BCAS1: variants seen among roughly 807,000 people sequenced by gnomAD.
BCAS1 encodes brain enriched myelin associated protein 1.
Under a neutral mutation model 65.4 loss-of-function variants are expected in BCAS1, and 46 were observed. The ratio of observed to expected loss-of-function variants is 0.70; its 90% CI spans 0.55 to 0.90. BCAS1 has a LOEUF of 0.90. Ranked by LOEUF, BCAS1 falls within the 40% of genes least tolerant of loss-of-function variation. The pLI is 0.00. For synonymous variants in BCAS1, 298 were observed against 293.5 expected (o/e 1.02, Z -0.16); for missense variants, 793 against 771.2 (o/e 1.03, Z -0.33).
intron 1 of BCAS1, among the ~76,000 whole-genome samples, chr20:54,066,717 C>T (rs920092888): frequency 1.4e-4 from 21 of 152,276 alleles, no homozygotes; most frequent in East Asian, 3.9e-4. Context: ...AGAAATGCAT[C>T]GGCCAGAACC....
rs187632199 is a variant in BCAS1 at position 53,975,264 on chromosome 20, T to A, written c.1317+125A>T. The A allele has an allele frequency of 2.7e-5, 20 of 754,152 alleles. No homozygotes were observed. The Admixed American group carries it at 4.3e-4, about 16-fold the overall frequency. The allele number at this position is 754,152 out of a possible 1,614,324, so 46.7% of individuals were successfully genotyped here. A position where few individuals can be genotyped will look rare whatever the true frequency, so the allele number is the denominator to read the frequency against. On this transcript the variant is annotated intron_variant, in intron 9 of 12. Coordinates refer to ENST00000688948, the MANE Select transcript of BCAS1 (RefSeq NM_001366298.2). ...CCTAATCACATACGGGATAAGAGAG[T>A]CTACAACAAACGAATCACACTGGCA... is the stretch of plus-strand genomic sequence containing the variant.
chr20:53,967,212 A>G, intron 9 of BCAS1, 139 bp from the exon 10 acceptor site: 1 of 829,600 alleles, frequency 1.2e-6, no homozygotes, highest in Non-Finnish European at 1.9e-6. Flanking sequence ...CTACACAGGC[A>G]CATCTTGGAG....
chr20:53,993,252 G>C (rs956858297), intron 6 of BCAS1, among the ~76,000 whole-genome samples: 23 of 152,158 alleles, frequency 1.5e-4, no homozygotes, highest in Non-Finnish European at 2.1e-4. Context: ...AACCGAAATA[G>C]CCTGGCTACA....
chr20:54,010,643 A>G (rs1038492525), intron 4 of BCAS1, among the ~76,000 whole-genome samples: 11 of 152,214 alleles, frequency 7.2e-5, no homozygotes, highest in Non-Finnish European at 1.3e-4. Context: ...GAAGACTCAC[A>G]TAGTAAAGAT....
intron 10 of BCAS1, 81 bp from the exon 11 acceptor site, chr20:53,957,578 C>CA: frequency 1.5e-6 from 2 of 1,302,674 alleles, no homozygotes; most frequent in African/African-American, 1.5e-5. Context: ...AATGGATGAT[C>CA]TCAGTCATTT....
chr20:54,042,285 A>G (rs1338071800), intron 3 of BCAS1, among the ~76,000 whole-genome samples: 1 of 152,172 alleles, frequency 6.6e-6, no homozygotes, highest in Non-Finnish European at 1.5e-5. Flanking sequence ...AAAAATAACT[A>G]GTGGGTACTA....
intron 12 of BCAS1, among the ~76,000 whole-genome samples, chr20:53,953,145 T>TA (rs1430313877): frequency 1.3e-5 from 2 of 152,202 alleles, no homozygotes; most frequent in African/African-American, 4.8e-5. Flanking sequence ...GCTAGGTGAC[T>TA]AGATGCAGTA....
At chr20:54,067,681 G>A (rs371165239) in intron 1 of BCAS1, among the ~76,000 whole-genome samples, 1 of 152,140 alleles carries the variant, frequency 6.6e-6, no homozygotes, top group African/African-American at 2.4e-5. Flanking sequence ...CAGGCCAAAC[G>A]CCAAACCCCA....
intron 8 of BCAS1, among the ~76,000 whole-genome samples, chr20:53,979,399 G>A (rs1350830309): frequency 1.3e-5 from 2 of 152,138 alleles, no homozygotes; most frequent in Non-Finnish European, 2.9e-5. Context: ...TGTCTACTGG[G>A]GAGAAAAAGG....
rs778133024 is a variant in BCAS1 at position 54,028,887 on chromosome 20, G to T, written c.228C>A (p.Asn76Lys). Reference protein sequence around the residue: ...TTEISAVADANGKNLGKEAKP... With the variant: ...TTEISAVADAKGKNLGKEAKP... ...TGGCCTCTTTCCCAAGATTCTTTCC[G>T]TTGGCATCCGCAACAGCACTTATCT... is the stretch of plus-strand genomic sequence containing the variant. Residue 76 changes from asparagine (N) to lysine (K), a missense_variant, in exon 4 of 13, where the codon AAC becomes AAA. Coordinates refer to ENST00000688948, the MANE Select transcript of BCAS1 (RefSeq NM_001366298.2). The T allele has an allele frequency of 6.2e-7, 1 of 1,613,984 alleles. No homozygotes were observed. The highest frequency in any genetic ancestry group is 8.5e-7 in the Non-Finnish European group (1 of 1,179,998).
Position 54,028,688 on chromosome 20 carries a change from C to A in BCAS1, c.427G>T (p.Ala143Ser). ...TCTGTGTCCTGCCCCGGTCCAGCTG[C>A]CACCGGAAGTGTCCAGCTCTCACTT... ...DPSESWTLPVAAGPGQDTDKT... is the reference protein window; with the variant it reads ...DPSESWTLPVSAGPGQDTDKT... Residue 143 changes from alanine (A) to serine (S), a missense_variant, in exon 4 of 13, where the codon GCA becomes TCA. By Grantham distance (99) the Ala-to-Ser change is moderately conservative. Coordinates refer to ENST00000688948, the MANE Select transcript of BCAS1 (RefSeq NM_001366298.2). 1.2e-6 allele frequency: 2 copies of A among 1,614,228 alleles called. No individual in the cohort carries two copies. The highest frequency in any genetic ancestry group is 1.7e-6 in the Non-Finnish European group (2 of 1,180,042).
chr20:53,963,457 G>A (rs1046747641), intron 10 of BCAS1, among the ~76,000 whole-genome samples: 1 of 151,780 alleles, frequency 6.6e-6, no homozygotes, highest in Non-Finnish European at 1.5e-5. Flanking sequence ...CTCCAGCCTG[G>A]GGGACAAAGC....
chr20:54,033,571 C>T (rs1271777469), intron 3 of BCAS1, among the ~76,000 whole-genome samples: 3 of 151,104 alleles, frequency 2.0e-5, no homozygotes, highest in Non-Finnish European at 4.4e-5. Flanking sequence ...AACTTCTGGA[C>T]ATATACACCC....
chr20:54,061,311 G>A (rs2092374324), intron 1 of BCAS1, among the ~76,000 whole-genome samples: 2 of 151,994 alleles, frequency 1.3e-5, no homozygotes, highest in East Asian at 1.9e-4. Flanking sequence ...ACCCACCAAG[G>A]GCAAACATCC....
At chr20:53,986,388 G>C (rs1190304821) in intron 7 of BCAS1, among the ~76,000 whole-genome samples, 1 of 152,122 alleles carries the variant, frequency 6.6e-6, no homozygotes, top group African/African-American at 2.4e-5. Flanking sequence ...AGGAAGAGTT[G>C]GGAGAATTAT....
intron 10 of BCAS1, among the ~76,000 whole-genome samples, chr20:53,965,046 C>T (rs1276345990): frequency 6.6e-6 from 1 of 152,098 alleles, no homozygotes; most frequent in Non-Finnish European, 1.5e-5. Context: ...TCTTTCCTGG[C>T]ATCATGTAAA....
At chr20:53,995,598 T>C (rs978388419) in intron 5 of BCAS1, among the ~76,000 whole-genome samples, 9 of 152,224 alleles carry the variant, frequency 5.9e-5, no homozygotes, top group Middle Eastern at 3.4e-3. Context: ...ATTTTTATGA[T>C]CAATGAACAT....
chr20:53,963,395 C>G (rs1230651662), intron 10 of BCAS1, among the ~76,000 whole-genome samples: 1 of 151,786 alleles, frequency 6.6e-6, no homozygotes, highest in Non-Finnish European at 1.5e-5. Context: ...ACAGGAGACT[C>G]ACTTGAACTC....
intron 1 of BCAS1, among the ~76,000 whole-genome samples, chr20:54,062,928 GTTACTGCCATCTATTGGCTGATGTC>G (rs939673731): frequency 2.0e-5 from 3 of 152,188 alleles, no homozygotes; most frequent in Non-Finnish European, 4.4e-5. Flanking sequence ...AAAGCAAAAG[GTTACTGCCATCTATTGGCTGATGTC>G]AATATTAGCA....
Sources: gnomAD v4.1 joint callset for allele counts (sites outside exome capture counted in the v4.1 genomes callset) on GRCh38, gnomAD v4.1.1 for gene constraint, MANE v1.5 for transcripts, NCBI Gene and HGNC (gene_info 2026-07-23, HGNC 2026-07-21) for gene names.